Variants in SMAD4 observed in about 807,000 individuals in gnomAD.
The protein encoded by SMAD4 is SMAD family member 4.
Under a neutral mutation model 63.2 loss-of-function variants are expected in SMAD4, and 7 were observed. That is an observed-to-expected ratio of 0.11 (90% CI 0.06 to 0.21). SMAD4 has a LOEUF of 0.21. Ranked by LOEUF, SMAD4 falls within the 10% of genes least tolerant of loss-of-function variation. The pLI, the probability that SMAD4 is intolerant of heterozygous loss-of-function variation, is 1.00. For missense variants in SMAD4, 312 were observed against 693.8 expected, an observed-to-expected ratio of 0.45 and a Z score of 6.18; for synonymous variants, 215 against 235.4, an observed-to-expected ratio of 0.91 and a Z score of 0.79.
At chr18:51,032,427 TAA>T (rs1409665685) in intron 1 of SMAD4, among the ~76,000 whole-genome samples, 4 of 152,242 alleles carry the variant, frequency 2.6e-5, no homozygotes, top group Admixed American at 6.5e-5. Context: ...TATTTTGGAA[TAA>T]GTTTTACATG....
At chr18:51,044,635 C>T (rs1179500669) in intron 1 of SMAD4, among the ~76,000 whole-genome samples, 1 of 152,156 alleles carries the variant, frequency 6.6e-6, no homozygotes, top group Non-Finnish European at 1.5e-5. Context: ...TCAAGCGATC[C>T]ACCTGCGTCG....
Position 51,079,793 on chromosome 18 carries a change from G to A in SMAD4, c.*1326G>A, listed in dbSNP as rs2144483022. The A allele has an allele frequency of 4.3e-6, 1 of 232,912 alleles. No homozygotes were observed. Among genetic ancestry groups the A allele is most frequent in the Middle Eastern group, 1.3e-3 (1 of 782 alleles). The allele number at this position is 232,912 out of a possible 1,614,324, so 14.4% of individuals were successfully genotyped here. ...TCTCAACATACAAAGTTGAATTCTAGGTTTGATTTTTAAGATTTTTTTTTT... is the reference window on the plus strand; with the variant it reads ...TCTCAACATACAAAGTTGAATTCTAAGTTTGATTTTTAAGATTTTTTTTTT... On this transcript the variant is annotated 3_prime_UTR_variant, in exon 12 of 12. Coordinates refer to ENST00000342988, the MANE Select transcript of SMAD4 (RefSeq NM_005359.6).
In SMAD4 at chr18:51,078,794, A is replaced by C. The variant is rs980379387; in HGVS notation, c.*327A>C. On this transcript the variant is annotated 3_prime_UTR_variant, in exon 12 of 12. Transcript: ENST00000342988. ...AAACGTCTTAGAGCCTTTTATCTGC[A>C]GAACATCGATATGTATATCATTCTA... The C allele has an allele frequency of 4.7e-5, 16 of 337,666 alleles. No homozygotes were observed. The highest frequency in any genetic ancestry group is 3.0e-4 in the African/African-American group (15 of 49,418). 20.9% of individuals were successfully genotyped at this position (337,666 alleles called of 1,614,324 possible).
chr18:51,073,945 G>A (rs1032562501), intron 10 of SMAD4, among the ~76,000 whole-genome samples: 3 of 152,094 alleles, frequency 2.0e-5, no homozygotes, highest in African/African-American at 7.2e-5. Context: ...GAAAGACAGG[G>A]TCAGAGAATG....
intron 10 of SMAD4, among the ~76,000 whole-genome samples, chr18:51,070,783 G>A (rs1910295968): frequency 6.6e-6 from 1 of 152,080 alleles, no homozygotes; most frequent in Non-Finnish European, 1.5e-5. Context: ...ACTGAGTAGC[G>A]AGCTCAGTTT....
chr18:51,052,489 C>G (rs1039221041), intron 4 of SMAD4: 1 of 180,892 alleles, frequency 5.5e-6, no homozygotes, highest in African/African-American at 2.4e-5. Flanking sequence ...GTACCTGGAA[C>G]AGAAGTGCTC....
rs550936243 is a variant in SMAD4, at chr18:51,066,786, G to T, written c.1140-233G>T. ...TTGTTGAGTTGTAAGGGTTTAATGA[G>T]AATTCATACTACATGCTCCTGACAC... On this transcript the variant is annotated intron_variant, in intron 9 of 11. Coordinates refer to ENST00000342988, the MANE Select transcript of SMAD4 (RefSeq NM_005359.6). 11 of 489,722 alleles carry T rather than the reference G, an allele frequency of 2.2e-5. No individual in the cohort carries two copies. In the East Asian group the frequency reaches 4.2e-4, roughly 19 times the overall value. The allele number at this position is 489,722 out of a possible 1,614,324, so 30.3% of individuals were successfully genotyped here.
At chr18:51,073,388 T>TATATACAC (rs1417299090) in intron 10 of SMAD4, among the ~76,000 whole-genome samples, 90 of 64,152 alleles carry the variant, frequency 1.4e-3, no homozygotes, top group East Asian at 2.2e-3. Flanking sequence ...TATATATATA[T>TATATACAC]ACACACACAC....
At chr18:51,039,636 G>C (rs1434081181) in intron 1 of SMAD4, among the ~76,000 whole-genome samples, 1 of 151,958 alleles carries the variant, frequency 6.6e-6, no homozygotes, top group Non-Finnish European at 1.5e-5. Context: ...TGGCCAGATG[G>C]GGAGATTCTC....
chr18:51,066,942 C>A (rs1044831359), intron 9 of SMAD4, 77 bp from the exon 10 acceptor site: 1 of 1,071,444 alleles, frequency 9.3e-7, no homozygotes, highest in Non-Finnish European at 1.4e-6. Flanking sequence ...CAATATTAAG[C>A]ATGCTATACA....
Position 51,043,003 on chromosome 18 carries a change from ACTT to A in SMAD4, c.-127-3913_-127-3911del, listed in dbSNP as rs1257561134. Among the ~76,000 whole-genome samples, 5 of 152,350 alleles carry A rather than the reference ACTT, an allele frequency of 3.3e-5. No individual in the cohort carries two copies. The East Asian group carries it at 7.7e-4, about 23-fold the overall frequency. On this transcript the variant is annotated intron_variant, in intron 1 of 11. Transcript: ENST00000342988. ...TTCTGTATATAAGTGCTAGCATCTA[ACTT>A]CTTTATTATACATTCTAACTTAGTT...
chr18:51,053,316 A>G (rs1171438453), intron 4 of SMAD4: 1 of 152,176 alleles, frequency 6.6e-6, no homozygotes. Flanking sequence ...ATTTATATGA[A>G]GAAAATCATT....
chr18:51,041,972 C>T (rs903832851), intron 1 of SMAD4, among the ~76,000 whole-genome samples: 1 of 152,090 alleles, frequency 6.6e-6, no homozygotes. Flanking sequence ...CACTTTATAC[C>T]TACTTCTTTT....
chr18:51,073,388 T>TATATATATAG (rs1417299090), intron 10 of SMAD4, among the ~76,000 whole-genome samples: 1 of 64,186 alleles, frequency 1.6e-5, no homozygotes. Context: ...TATATATATA[T>TATATATATAG]ACACACACAC....
Position 51,083,702 on chromosome 18 carries a change from C to G in SMAD4, c.*5235C>G, listed in dbSNP as rs755051361. The G allele has an allele frequency of 7.0e-5, 16 of 228,588 alleles. No individual in the cohort carries two copies. The highest frequency in any genetic ancestry group is 1.2e-4 in the Non-Finnish European group (14 of 115,166). The allele number at this position is 228,588 out of a possible 1,614,324, so 14.2% of individuals were successfully genotyped here. A position where few individuals can be genotyped will look rare whatever the true frequency, so the allele number is the denominator to read the frequency against. On this transcript the variant is annotated 3_prime_UTR_variant, in exon 12 of 12. Coordinates refer to ENST00000342988, the MANE Select transcript of SMAD4 (RefSeq NM_005359.6). ...CCTTTGGGCAAGTCATTTATCTTCTCTGGGCCTTAGTTGCCTCATCTGTAA... is the reference window on the plus strand; with the variant it reads ...CCTTTGGGCAAGTCATTTATCTTCTGTGGGCCTTAGTTGCCTCATCTGTAA...
chr18:51,056,536 C>T (rs992109974), intron 5 of SMAD4, among the ~76,000 whole-genome samples: 12 of 144,852 alleles, frequency 8.3e-5, no homozygotes, highest in South Asian at 6.6e-4. Context: ...GGAGAAATGG[C>T]GTGAACCCGG....
intron 8 of SMAD4, among the ~76,000 whole-genome samples, chr18:51,061,664 C>A (rs1370662636): frequency 1.1e-4 from 17 of 152,132 alleles, no homozygotes; most frequent in Non-Finnish European, 7.4e-5. Flanking sequence ...CAAGTAATGA[C>A]CAATCTTGTT....
At chr18:51,065,323 C>T (rs1244998515) in intron 8 of SMAD4, 100 bp from the exon 9 acceptor site, 1 of 942,752 alleles carries the variant, frequency 1.1e-6, no homozygotes, top group East Asian at 2.4e-5. Context: ...ATCTCCCCTC[C>T]CTTTACCCTT....
At chr18:51,045,262 G>C (rs1909509586) in intron 1 of SMAD4, among the ~76,000 whole-genome samples, 1 of 152,190 alleles carries the variant, frequency 6.6e-6, no homozygotes, top group Non-Finnish European at 1.5e-5. Flanking sequence ...CTTCAGAAGA[G>C]GAAGAGATTT....
Sources: allele counts gnomAD v4.1 joint callset (sites outside exome capture counted in the v4.1 genomes callset), GRCh38; gene constraint gnomAD v4.1.1; transcripts MANE v1.5; gene names NCBI Gene and HGNC (gene_info 2026-07-23, HGNC 2026-07-21).